PREX1: variants seen among roughly 807,000 people sequenced by gnomAD.
PREX1 encodes the protein phosphatidylinositol-3,4,5-trisphosphate dependent Rac exchange factor 1.
In PREX1, 41 loss-of-function variants were observed where a neutral mutation model predicts 198.3. The observed-to-expected ratio is 0.21, with a 90% confidence interval of 0.16 to 0.27. The LOEUF (loss-of-function observed/expected upper bound fraction) is 0.27, where lower values mean the gene tolerates loss of function less well. Among genes scored for constraint, PREX1 ranks in the 10% least tolerant of loss-of-function variants. PREX1 has a pLI of 1.00. For missense variants in PREX1, 1,620 were observed against 2,200.7 expected, an observed-to-expected ratio of 0.74 and a Z score of 5.28; for synonymous variants, 843 against 887.2, an observed-to-expected ratio of 0.95 and a Z score of 0.89.
intron 5 of PREX1, among the ~76,000 whole-genome samples, chr20:48,719,027 T>C (rs1000229387): frequency 2.6e-5 from 4 of 152,238 alleles, no homozygotes; most frequent in African/African-American, 7.2e-5. Context: ...TTCATGAGTT[T>C]TTTCATGCAT....
At chr20:48,730,666 T>C (rs2090031175) in intron 4 of PREX1, among the ~76,000 whole-genome samples, 1 of 152,092 alleles carries the variant, frequency 6.6e-6, no homozygotes, top group Non-Finnish European at 1.5e-5. Flanking sequence ...ACTTACTGCA[T>C]GGATGCTACA....
chr20:48,794,371 G>T (rs866377545), intron 1 of PREX1, among the ~76,000 whole-genome samples: 1 of 152,228 alleles, frequency 6.6e-6, no homozygotes, highest in Non-Finnish European at 1.5e-5. Flanking sequence ...AGTCCTGAAG[G>T]AAGCTGGAGG....
intron 1 of PREX1, among the ~76,000 whole-genome samples, chr20:48,793,694 G>A (rs6090907): frequency 0.11 from 16,670 of 152,246 alleles, 1,076 homozygotes; most frequent in Middle Eastern, 0.24. Flanking sequence ...CTCTGAGCCC[G>A]AGGCAAAGGC....
At chr20:48,717,572 G>C (rs112375736) in intron 5 of PREX1, among the ~76,000 whole-genome samples, 194 of 151,184 alleles carry the variant, frequency 1.3e-3, no homozygotes, top group Non-Finnish European at 1.7e-3. Flanking sequence ...GAAGTGAAGA[G>C]CTCCCCAGCA....
intron 1 of PREX1, among the ~76,000 whole-genome samples, chr20:48,777,709 A>G (rs1390091318): frequency 6.6e-6 from 1 of 152,102 alleles, no homozygotes; most frequent in African/African-American, 2.4e-5. Flanking sequence ...CCTCTCTGAG[A>G]CTCTGCATCC....
At position 48,827,681 on chromosome 20, in the gene PREX1, G is replaced by C. The variant is rs1393049653; in HGVS notation, c.180C>G (p.Thr60=). ...RLCVLNEILG[T]ERDYVGTLRF... ...GCAAGGTGCCCACGTAGTCCCTCTC[G>C]GTGCCCAAGATCTCGTTGAGGACGC... Residue 60 remains threonine (T), a synonymous_variant, in exon 1 of 40, where the codon ACC becomes ACG. Coordinates refer to ENST00000371941, the MANE Select transcript of PREX1 (RefSeq NM_020820.4). The surrounding 1 kb of genome is among the most constrained non-coding windows in gnomAD (Gnocchi z 4.1). The C allele has an allele frequency of 5.8e-6, 8 of 1,374,916 alleles. No homozygotes were observed. The highest frequency in any genetic ancestry group is 6.7e-6 in the Non-Finnish European group (7 of 1,052,272). The allele number at this position is 1,374,916 out of a possible 1,614,324, so 85.2% of individuals were successfully genotyped here. A position where few individuals can be genotyped will look rare whatever the true frequency, so the allele number is the denominator to read the frequency against.
intron 1 of PREX1, among the ~76,000 whole-genome samples, chr20:48,790,440 A>T (rs1223368550): frequency 6.6e-6 from 1 of 152,014 alleles, no homozygotes; most frequent in Non-Finnish European, 1.5e-5. Context: ...AGGAAAAAGG[A>T]GGGTGGAGGG....
chr20:48,674,071 G>C (rs1284002981), intron 14 of PREX1, among the ~76,000 whole-genome samples: 1 of 152,224 alleles, frequency 6.6e-6, no homozygotes, highest in African/African-American at 2.4e-5. Context: ...CTGACTGCAT[G>C]TGATTCTCAC....
chr20:48,803,694 C>T (rs991771404), intron 1 of PREX1, among the ~76,000 whole-genome samples: 1 of 152,136 alleles, frequency 6.6e-6, no homozygotes, highest in African/African-American at 2.4e-5. Context: ...GCTCTTAGTA[C>T]ATGTGGTTGT....
At chr20:48,872,456 A>G in the PREX1 span, among the ~76,000 whole-genome samples, 2,260 of 152,256 alleles carry the variant, frequency 0.015, 51 homozygotes, top group African/African-American at 0.049. Context: ...ACAGAACAAG[A>G]TAAGTGGCCG....
intron 4 of PREX1, among the ~76,000 whole-genome samples, chr20:48,729,361 G>GCCA (rs1017398060): frequency 1.3e-5 from 2 of 152,050 alleles, no homozygotes; most frequent in Admixed American, 6.5e-5. Flanking sequence ...ACAGGTGTGA[G>GCCA]CCACCGTGCC....
intron 7 of PREX1, among the ~76,000 whole-genome samples, chr20:48,700,452 A>G: frequency 6.6e-6 from 1 of 152,342 alleles, no homozygotes; most frequent in East Asian, 1.9e-4. Flanking sequence ...ATTTTTTTAA[A>G]TAATAATTAC....
At chr20:48,820,015 G>C (rs1302537587) in intron 1 of PREX1, among the ~76,000 whole-genome samples, 1 of 152,226 alleles carries the variant, frequency 6.6e-6, no homozygotes, top group Non-Finnish European at 1.5e-5. Flanking sequence ...CCAGCTTTCA[G>C]TGGCCCCAGT....
Position 48,652,629 on chromosome 20 carries a change from G to T in PREX1, c.2424C>A (p.Asp808Glu). The T allele has an allele frequency of 1.9e-6, 3 of 1,613,554 alleles. No individual in the cohort carries two copies. Among genetic ancestry groups the T allele is most frequent in the Non-Finnish European group, 1.7e-6 (2 of 1,179,698 alleles). Residue 808 changes from aspartate (D) to glutamate (E), a missense_variant, in exon 21 of 40, where the codon GAC becomes GAA. Asp to Glu is a conservative substitution (Grantham distance 45). This residue lies in a region of PREX1 where 514 missense variants were observed against 611.6 expected (regional missense o/e 0.84). Transcript: ENST00000371941. The stretch of plus-strand genomic sequence containing the variant: ...CCTCCTGGGCCTGCTCGCCACTGGG[G>T]TCCTCAGTGGAGGCCTCCTGACTGG... ...ARASQEASTE[D>E]PSGEQAQEED...
intron 1 of PREX1, among the ~76,000 whole-genome samples, chr20:48,751,860 AAGAAT>A (rs2090135609): frequency 1.3e-5 from 2 of 152,326 alleles, no homozygotes; most frequent in African/African-American, 4.8e-5. Context: ...GGATACAGAA[AAGAAT>A]AGAGAGAAAC....
chr20:48,866,779 A>G, the PREX1 span, among the ~76,000 whole-genome samples: 1,334 of 152,202 alleles, frequency 8.8e-3, 10 homozygotes, highest in Middle Eastern at 0.044. Context: ...AAAATATAAA[A>G]TTAGCCAAGT....
chr20:48,783,097 G>C, intron 1 of PREX1, among the ~76,000 whole-genome samples: 1 of 152,148 alleles, frequency 6.6e-6, no homozygotes, highest in Non-Finnish European at 1.5e-5. Flanking sequence ...TCACCTCTCC[G>C]AACTTCAACA....
intron 22 of PREX1, 68 bp downstream of exon 22, chr20:48,651,328 A>G (rs1461722535): frequency 6.6e-7 from 1 of 1,520,102 alleles, no homozygotes; most frequent in Non-Finnish European, 8.8e-7. Flanking sequence ...CCTTCTCCCA[A>G]CCTTTGATAA....
At chr20:48,780,912 T>C (rs2090286550) in intron 1 of PREX1, among the ~76,000 whole-genome samples, 1 of 152,294 alleles carries the variant, frequency 6.6e-6, no homozygotes, top group Non-Finnish European at 1.5e-5. Context: ...AGTGTTAACA[T>C]CTCCCCTTGA....
Sources: allele counts gnomAD v4.1 joint callset (sites outside exome capture counted in the v4.1 genomes callset), GRCh38; gene constraint gnomAD v4.1.1; regional missense constraint gnomAD v4.1.1; non-coding constraint Gnocchi (gnomAD v3.1); transcripts MANE v1.5; gene names NCBI Gene and HGNC (gene_info 2026-07-23, HGNC 2026-07-21).